Variants in HS3ST4 observed in about 807,000 individuals in gnomAD.
HS3ST4 encodes the protein heparan sulfate glucosamine 3-O-sulfotransferase 4.
HS3ST4 carries 17 observed loss-of-function variants against 29.2 expected under a neutral mutation model. That is an observed-to-expected ratio of 0.58 (90% CI 0.40 to 0.87). The LOEUF (loss-of-function observed/expected upper bound fraction) is 0.87, where lower values mean the gene tolerates loss of function less well. HS3ST4 is among the 40% of genes least tolerant of loss of function. HS3ST4 has a pLI of 0.00. For missense variants in HS3ST4, 627 were observed against 634.5 expected (o/e 0.99, Z 0.13); for synonymous variants, 314 against 285.7 (o/e 1.10, Z -1.00).
intron 1 of HS3ST4, among the ~76,000 whole-genome samples, chr16:25,819,614 A>G (rs930167053): frequency 4.5e-4 from 68 of 152,042 alleles, no homozygotes; most frequent in African/African-American, 1.6e-3. Context: ...TGAAATGTCA[A>G]CTCCGCTAGA....
chr16:25,817,321 T>A (rs948680901), intron 1 of HS3ST4, among the ~76,000 whole-genome samples: 8 of 152,196 alleles, frequency 5.3e-5, no homozygotes, highest in Non-Finnish European at 1.2e-4. Context: ...CCAAGATTCT[T>A]GGACAGACTA....
At chr16:25,972,062 G>C (rs771259217) in intron 1 of HS3ST4, among the ~76,000 whole-genome samples, 1 of 152,214 alleles carries the variant, frequency 6.6e-6, no homozygotes, top group Non-Finnish European at 1.5e-5. Flanking sequence ...TTGGTTCCTA[G>C]TCTACAAAAT....
chr16:25,751,867 A>C (rs1966723067), intron 1 of HS3ST4, among the ~76,000 whole-genome samples: 1 of 152,204 alleles, frequency 6.6e-6, no homozygotes, highest in South Asian at 2.1e-4. Context: ...AATCGGGAGC[A>C]ATCCCAGACC....
At chr16:25,884,543 A>T (rs1967929541) in intron 1 of HS3ST4, among the ~76,000 whole-genome samples, 1 of 152,180 alleles carries the variant, frequency 6.6e-6, no homozygotes, top group Non-Finnish European at 1.5e-5. Context: ...TTTAGAACAT[A>T]GGCTTTTGAG....
intron 1 of HS3ST4, among the ~76,000 whole-genome samples, chr16:25,710,210 A>C (rs1966406232): frequency 6.6e-6 from 1 of 152,212 alleles, no homozygotes; most frequent in Non-Finnish European, 1.5e-5. Flanking sequence ...TTTGACTTAA[A>C]AATATATGTA....
intron 1 of HS3ST4, among the ~76,000 whole-genome samples, chr16:25,986,753 A>T (rs1969067608): frequency 6.6e-6 from 1 of 152,188 alleles, no homozygotes; most frequent in Admixed American, 6.5e-5. Flanking sequence ...TCCACCTTCA[A>T]ACAGACCAAG....
chr16:25,788,607 C>T (rs1267823980), intron 1 of HS3ST4, among the ~76,000 whole-genome samples: 15 of 123,838 alleles, frequency 1.2e-4, no homozygotes, highest in Admixed American at 2.3e-4. Context: ...GTGGCATGAT[C>T]CTAGCTCACT....
chr16:25,782,833 T>C (rs1966853852), intron 1 of HS3ST4, among the ~76,000 whole-genome samples: 1 of 152,234 alleles, frequency 6.6e-6, no homozygotes, highest in South Asian at 2.1e-4. Flanking sequence ...AATGGATTCA[T>C]CTATGTTTGC....
chr16:25,874,004 A>T (rs748906410), intron 1 of HS3ST4, among the ~76,000 whole-genome samples: 1 of 142,140 alleles, frequency 7.0e-6, no homozygotes, highest in Non-Finnish European at 1.6e-5. Flanking sequence ...AAAGTGAATT[A>T]TACCCTTATC....
At chr16:25,771,009 C>T (rs1966841217) in intron 1 of HS3ST4, among the ~76,000 whole-genome samples, 1 of 151,748 alleles carries the variant, frequency 6.6e-6, no homozygotes, top group Admixed American at 6.6e-5. Flanking sequence ...TTCTGAGATA[C>T]ATGTGCAGAA....
At chr16:26,047,083 T>C (rs1322383511) in intron 1 of HS3ST4, among the ~76,000 whole-genome samples, 2 of 152,264 alleles carry the variant, frequency 1.3e-5, no homozygotes, top group Non-Finnish European at 2.9e-5. Context: ...TAATACATGA[T>C]TGCTGTGTTC....
intron 1 of HS3ST4, among the ~76,000 whole-genome samples, chr16:26,053,448 A>G (rs1898369083): frequency 6.6e-6 from 1 of 152,218 alleles, no homozygotes; most frequent in Non-Finnish European, 1.5e-5. Flanking sequence ...CTGAGGAAAA[A>G]AGCAGTTCCT....
intron 1 of HS3ST4, among the ~76,000 whole-genome samples, chr16:25,898,852 T>G (rs1968095444): frequency 6.6e-6 from 1 of 152,170 alleles, no homozygotes; most frequent in Non-Finnish European, 1.5e-5. Context: ...AAAACAAGAC[T>G]TACGTGAGAA....
chr16:25,985,468 T>C (rs957564202), intron 1 of HS3ST4, among the ~76,000 whole-genome samples: 2 of 152,128 alleles, frequency 1.3e-5, no homozygotes, highest in Non-Finnish European at 2.9e-5. Flanking sequence ...TTGGTAATGG[T>C]GGAAGACGGA....
At chr16:25,787,665 C>G (rs1393668582) in intron 1 of HS3ST4, among the ~76,000 whole-genome samples, 1 of 152,180 alleles carries the variant, frequency 6.6e-6, no homozygotes, top group East Asian at 1.9e-4. Flanking sequence ...GAAGCCAGGC[C>G]TGAAGGCTCA....
intron 1 of HS3ST4, among the ~76,000 whole-genome samples, chr16:26,099,825 G>A (rs1223631817): frequency 2.0e-5 from 3 of 152,030 alleles, no homozygotes; most frequent in Non-Finnish European, 4.4e-5. Flanking sequence ...ACACACGCAT[G>A]CCCACACCTG....
At chr16:25,914,228 GGTAT>G (rs1403366474) in intron 1 of HS3ST4, among the ~76,000 whole-genome samples, 1 of 148,710 alleles carries the variant, frequency 6.7e-6, no homozygotes, top group African/African-American at 2.5e-5. Flanking sequence ...GTGTGTAAGG[GGTAT>G]GTAAGTGATG....
chr16:26,078,678 A>G (rs1345388688), intron 1 of HS3ST4, among the ~76,000 whole-genome samples: 2 of 152,224 alleles, frequency 1.3e-5, no homozygotes, highest in African/African-American at 2.4e-5. Flanking sequence ...AGATTCCCAG[A>G]CCAGAAAGAT....
At chr16:25,882,014 G>T (rs1967900559) in intron 1 of HS3ST4, among the ~76,000 whole-genome samples, 1 of 152,134 alleles carries the variant, frequency 6.6e-6, no homozygotes, top group Admixed American at 6.5e-5. Context: ...GCAGCTTCAG[G>T]TGGCTTTGCT....
Sources: gnomAD v4.1 joint callset for allele counts (sites outside exome capture counted in the v4.1 genomes callset) on GRCh38, gnomAD v4.1.1 for gene constraint, MANE v1.5 for transcripts, NCBI Gene and HGNC (gene_info 2026-07-23, HGNC 2026-07-21) for gene names.